STK24: variants seen among roughly 807,000 people sequenced by gnomAD.
STK24 encodes serine/threonine kinase 24.
STK24 carries 21 observed loss-of-function variants against 55.6 expected under a neutral mutation model. The observed-to-expected ratio is 0.38, with a 90% CI of 0.27 to 0.54. The LOEUF is 0.54. Ranked by LOEUF, STK24 falls within the 20% of genes least tolerant of loss-of-function variation. The probability of loss-of-function intolerance (pLI) is 0.79; values close to 1 mark genes in which losing one functional copy is unlikely to be tolerated. For missense variants in STK24, 383 were observed against 538.4 expected, an observed-to-expected ratio of 0.71 and a Z score of 2.86; for synonymous variants, 200 against 215.2, an observed-to-expected ratio of 0.93 and a Z score of 0.62.
At chr13:98,453,292 G>A (rs1471724453) in intron 10 of STK24, 83 bp from the exon 11 acceptor site, 1 of 1,400,928 alleles carries the variant, frequency 7.1e-7, no homozygotes, top group African/African-American at 1.5e-5. Context: ...CAAAATCTTA[G>A]TTTTCATAAG....
Position 98,576,910 on chromosome 13 carries a change from C to G in STK24, c.-124G>C. Reference sequence around the variant, plus strand: ...GGGGCCGGCCGGAGCCCGAGGCCACCCCAGCCCTGGCGGGTCCCGGCCGGG... The same window carrying G: ...GGGGCCGGCCGGAGCCCGAGGCCACGCCAGCCCTGGCGGGTCCCGGCCGGG... On this transcript the variant is annotated 5_prime_UTR_variant, in exon 1 of 11. Transcript: ENST00000539966. 1 of 532,538 alleles carries G rather than the reference C, an allele frequency of 1.9e-6. No individual in the cohort carries two copies. The allele number at this position is 532,538 out of a possible 1,614,324, so 33.0% of individuals were successfully genotyped here.
At chr13:98,563,525 T>A (rs1217459568) in intron 1 of STK24, among the ~76,000 whole-genome samples, 2 of 152,298 alleles carry the variant, frequency 1.3e-5, no homozygotes, top group East Asian at 3.9e-4. Context: ...TAAGTCTGTA[T>A]AATGTGCTGT....
At chr13:98,473,697 G>A (rs1208915940) in intron 5 of STK24, among the ~76,000 whole-genome samples, 1 of 152,196 alleles carries the variant, frequency 6.6e-6, no homozygotes, top group African/African-American at 2.4e-5. Context: ...ACCAGCCAGA[G>A]GCTGTCAAGG....
chr13:98,494,139 C>A (rs540458666), intron 2 of STK24, among the ~76,000 whole-genome samples: 2 of 142,710 alleles, frequency 1.4e-5, no homozygotes, highest in East Asian at 4.3e-4. Context: ...CGGCCGGGCA[C>A]GGTGGCTCAA....
At chr13:98,553,840 T>A (rs930621703) in intron 1 of STK24, 2 of 151,900 alleles carry the variant, frequency 1.3e-5, no homozygotes, top group Non-Finnish European at 2.9e-5. Flanking sequence ...AGTGGGGGGA[T>A]CGTCTGAGGT....
intron 6 of STK24, among the ~76,000 whole-genome samples, chr13:98,465,900 A>G (rs1893910359): frequency 6.6e-6 from 1 of 152,248 alleles, no homozygotes; most frequent in African/African-American, 2.4e-5. Flanking sequence ...AAAAAGAGAA[A>G]GTAGGCAGGA....
chr13:98,457,191 G>A lies in STK24; in HGVS notation c.1236C>T (p.Ala412=). ...ACCTCTGGAGCCGCTGCACGAGCTG[G>A]GCCACCATGGTGTCGGAGATGCCAG... ...ACPGISDTMV[A]QLVQRLQRYS... Residue 412 remains alanine (A), a synonymous_variant, in exon 10 of 11, where the codon GCC becomes GCT. Coordinates refer to ENST00000539966, the MANE Select transcript of STK24 (RefSeq NM_001032296.4). The A allele has an allele frequency of 6.2e-7, 1 of 1,611,814 alleles. No individual in the cohort carries two copies. The highest frequency in any genetic ancestry group is 8.5e-7 in the Non-Finnish European group (1 of 1,179,794).
chr13:98,504,286 G>C (rs563506739), intron 2 of STK24, among the ~76,000 whole-genome samples: 1 of 152,184 alleles, frequency 6.6e-6, no homozygotes, highest in Non-Finnish European at 1.5e-5. Context: ...AACAGAGCAG[G>C]AGAAAGTAGA....
chr13:98,525,595 G>A (rs1896403274), intron 1 of STK24, among the ~76,000 whole-genome samples: 1 of 152,178 alleles, frequency 6.6e-6, no homozygotes, highest in South Asian at 2.1e-4. Flanking sequence ...CCCTACAGTG[G>A]AGCCGGGCTC....
At chr13:98,491,016 G>A (rs1895009290) in intron 2 of STK24, among the ~76,000 whole-genome samples, 1 of 152,160 alleles carries the variant, frequency 6.6e-6, no homozygotes, top group African/African-American at 2.4e-5. Flanking sequence ...AGAAAGCCGG[G>A]GGAGCTGTCA....
intron 5 of STK24, among the ~76,000 whole-genome samples, chr13:98,472,224 G>A (rs559587326): frequency 1.4e-4 from 22 of 152,224 alleles, no homozygotes; most frequent in South Asian, 2.1e-4. Context: ...ACTTTGAGAC[G>A]CAGACACAGA....
rs7323675 is a variant in STK24, at chr13:98,470,119, T to C, written c.598-3558A>G. ...TATAATTGAGTTTGTCTATTACTGC[T>C]TCTAGGAAAAATGACAGCAGATCAA... On this transcript the variant is annotated intron_variant, in intron 5 of 10. Coordinates refer to ENST00000539966, the MANE Select transcript of STK24 (RefSeq NM_001032296.4). Among the ~76,000 whole-genome samples, 1,493 of 152,310 alleles carry C rather than the reference T, an allele frequency of 9.8e-3. 30 individuals are homozygous for C. Among genetic ancestry groups the C allele is most frequent in the African/African-American group, 0.033 (1,378 of 41,548 alleles).
chr13:98,506,500 G>C (rs1321136602), intron 2 of STK24, among the ~76,000 whole-genome samples: 2 of 152,172 alleles, frequency 1.3e-5, no homozygotes, highest in African/African-American at 4.8e-5. Context: ...CAGCTGATGC[G>C]AGCACAGGAG....
chr13:98,499,041 G>A (rs904734520), intron 2 of STK24, among the ~76,000 whole-genome samples: 4 of 152,168 alleles, frequency 2.6e-5, no homozygotes, highest in Admixed American at 1.3e-4. Flanking sequence ...GAGGTCAGGC[G>A]CTTGAGACCA....
At chr13:98,478,284 G>C (rs1306644594) in intron 3 of STK24, among the ~76,000 whole-genome samples, 1 of 152,194 alleles carries the variant, frequency 6.6e-6, no homozygotes, top group Non-Finnish European at 1.5e-5. Flanking sequence ...CCCCGAGCCT[G>C]TCCTCCCCTG....
chr13:98,575,063 A>G (rs767951539), intron 1 of STK24, among the ~76,000 whole-genome samples: 2 of 152,218 alleles, frequency 1.3e-5, no homozygotes, highest in Admixed American at 6.5e-5. Context: ...GGAAATATTG[A>G]TAAAACTTTT....
intron 2 of STK24, among the ~76,000 whole-genome samples, chr13:98,497,974 C>T (rs1328066500): frequency 6.6e-6 from 1 of 152,204 alleles, no homozygotes; most frequent in African/African-American, 2.4e-5. Flanking sequence ...AGCCCACACC[C>T]CACTACACCT....
At chr13:98,489,593 C>T (rs1894941611) in intron 2 of STK24, among the ~76,000 whole-genome samples, 1 of 152,186 alleles carries the variant, frequency 6.6e-6, no homozygotes, top group Admixed American at 6.5e-5. Flanking sequence ...GCAGATGCCA[C>T]AAAAGACAGG....
At chr13:98,551,276 ACT>A (rs1193198420) in intron 1 of STK24, among the ~76,000 whole-genome samples, 20 of 143,548 alleles carry the variant, frequency 1.4e-4, no homozygotes, top group African/African-American at 4.9e-4. Context: ...ACAGAGTGAG[ACT>A]CTGTCTCAAA....
Sources: gnomAD v4.1 joint callset for allele counts (sites outside exome capture counted in the v4.1 genomes callset) on GRCh38, gnomAD v4.1.1 for gene constraint, MANE v1.5 for transcripts, NCBI Gene and HGNC (gene_info 2026-07-23, HGNC 2026-07-21) for gene names.